PTPRS: variants seen among roughly 807,000 people sequenced by gnomAD.
PTPRS encodes protein tyrosine phosphatase receptor type S.
PTPRS carries 63 observed loss-of-function variants against 215.3 expected under a neutral mutation model. The observed-to-expected ratio is 0.29, with a 90% CI of 0.24 to 0.36. PTPRS has a LOEUF of 0.36. Among genes scored for constraint, PTPRS ranks in the 10% least tolerant of loss-of-function variants. The pLI, the probability that PTPRS is intolerant of heterozygous loss-of-function variation, is 1.00. For synonymous variants in PTPRS, 1,404 were observed against 1,191.4 expected (o/e 1.18, Z -3.68); for missense variants, 2,258 against 2,825.8 (o/e 0.80, Z 4.56).
chr19:5,209,630 C>A (rs1978237), intron 35 of PTPRS, among the ~76,000 whole-genome samples: 8 of 152,098 alleles, frequency 5.3e-5, no homozygotes, highest in Admixed American at 1.3e-4. Flanking sequence ...TTCTCCACCC[C>A]CTGCTGGCCA....
At chr19:5,290,350 A>C (rs1399606728) in intron 1 of PTPRS, among the ~76,000 whole-genome samples, 1 of 152,194 alleles carries the variant, frequency 6.6e-6, no homozygotes. Flanking sequence ...TTCTCTGGCC[A>C]CTGCGAGATC....
rs371506563 is a variant in PTPRS at position 5,318,475 on chromosome 19, T to C, written c.-95+22189A>G. ...GCAGTCTGGCCATGCTGTGTGACCC[T>C]GGGCAGGTGACTCGACTCTCTAGGC... On this transcript the variant is annotated intron_variant, in intron 1 of 37. Transcript: ENST00000262963. 8.8e-4 allele frequency among the ~76,000 whole-genome samples: 134 copies of C among 152,292 alleles called. 2 individuals are homozygous for C. In the South Asian group the frequency reaches 0.027, roughly 30 times the overall value.
At position 5,205,935 on chromosome 19, in the gene PTPRS, T is replaced by TTTGA. The variant is rs1175933811; in HGVS notation, c.*835_*838dup. ...CCATGACCTTACCCTCAGAACTGTA[T>TTTGA]TTGATATGTCTGAAAATTTAATTTA... On this transcript the variant is annotated 3_prime_UTR_variant, in exon 38 of 38. Coordinates refer to ENST00000262963, the MANE Select transcript of PTPRS (RefSeq NM_002850.4). 3.3e-5 allele frequency among the ~76,000 whole-genome samples: 5 copies of TTTGA among 151,576 alleles called. No individual in the cohort carries two copies. The highest frequency in any genetic ancestry group is 7.4e-5 in the Non-Finnish European group (5 of 67,892).
At chr19:5,305,761 A>AT (rs200693520) in intron 1 of PTPRS, among the ~76,000 whole-genome samples, 3,222 of 116,860 alleles carry the variant, frequency 0.028, 48 homozygotes, top group South Asian at 0.039. Flanking sequence ...ATATATATAT[A>AT]TATATTTTTT....
chr19:5,328,265 C>T (rs1323511316), intron 1 of PTPRS, among the ~76,000 whole-genome samples: 1 of 152,142 alleles, frequency 6.6e-6, no homozygotes, highest in Non-Finnish European at 1.5e-5. Context: ...TACTGGCACA[C>T]ACCACCACGG....
intron 4 of PTPRS, among the ~76,000 whole-genome samples, chr19:5,268,888 C>G (rs780184727): frequency 1.3e-5 from 2 of 152,212 alleles, no homozygotes; most frequent in African/African-American, 2.4e-5. Flanking sequence ...AGGTCTGAAC[C>G]CATCGGGGCC....
In PTPRS at chr19:5,297,615, A is replaced by T. The variant is rs556975812; in HGVS notation, c.-94-11381T>A. On this transcript the variant is annotated intron_variant, in intron 1 of 37. Transcript: ENST00000262963. ...AAATAAACCACACTGCAAGGCTGCA[A>T]AAACTGGGGGGTCCCTGGGGGAGCC... is the stretch of plus-strand genomic sequence containing the variant. Among the ~76,000 whole-genome samples the T allele has an allele frequency of 7.2e-5, 11 of 152,252 alleles. No individual in the cohort carries two copies. The East Asian group carries it at 1.9e-3, about 27-fold the overall frequency.
chr19:5,249,533 G>T (rs1468987876), intron 9 of PTPRS, among the ~76,000 whole-genome samples: 1 of 152,190 alleles, frequency 6.6e-6, no homozygotes, highest in Non-Finnish European at 1.5e-5. Context: ...AGGCCAGCCT[G>T]GTTGCTGCCT....
At chr19:5,307,199 T>G (rs1201366661) in intron 1 of PTPRS, among the ~76,000 whole-genome samples, 3 of 152,002 alleles carry the variant, frequency 2.0e-5, no homozygotes, top group Non-Finnish European at 2.9e-5. Flanking sequence ...TCCCAGCAAC[T>G]CGGGATGCTG....
chr19:5,277,127 T>C (rs59207860), intron 2 of PTPRS, among the ~76,000 whole-genome samples: 22,824 of 150,228 alleles, frequency 0.15, 1,981 homozygotes, highest in Middle Eastern at 0.22. Context: ...TGGCGCGATC[T>C]TGGCTCACGG....
rs748737407 is a variant in PTPRS at position 5,240,202 on chromosome 19, C to G, written c.1701G>C (p.Arg567=). The change falls in exon 12 of 38, where the codon CGG becomes CGC. Residue 567 remains arginine, a synonymous_variant. Transcript: ENST00000262963. ...GCCCGTCCCCGCGCTGCCTCACCTC[C>G]CGGCCATGGTCGCCTTCCCGGAAGA... ...ELLFREGDHG[R]EVGRTFDPTT... 8 of 1,542,578 alleles carry G rather than the reference C, an allele frequency of 5.2e-6. No individual in the cohort carries two copies. The East Asian group carries it at 1.5e-4, about 29-fold the overall frequency.
Position 5,212,000 on chromosome 19 carries a change from C to A in PTPRS, c.5020G>T (p.Gly1674Cys), listed in dbSNP as rs61729772. ...YIQKLAQVEP[G>C]EHVTGMELEF... ...AGTTCCATGCCAGTGACGTGTTCGC[C>A]AGGCTCCACCTGGGCCAGCTTCTGG... The change falls in exon 32 of 38, where the codon GGC becomes TGC. Residue 1674 changes from glycine to cysteine, a missense_variant. By Grantham distance (159) the Gly-to-Cys change is radical (BLOSUM62 -3). Coordinates refer to ENST00000262963, the MANE Select transcript of PTPRS (RefSeq NM_002850.4). 6.2e-7 allele frequency: 1 copy of A among 1,612,406 alleles called. No individual in the cohort carries two copies. The highest frequency in any genetic ancestry group is 1.3e-5 in the African/African-American group (1 of 75,028).
chr19:5,220,944 C>T lies in PTPRS; in HGVS notation c.3455+56G>A, dbSNP rs2041926349. On this transcript the variant is annotated intron_variant, in intron 20 of 37. Transcript: ENST00000262963. ...AGAGAGGGCACGTGGCTTGCCCCAG[C>T]CATATAGTAGGCTGATGGGGGTGAC... 8 of 1,553,152 alleles carry T rather than the reference C, an allele frequency of 5.2e-6. No individual in the cohort carries two copies. In the South Asian group the frequency reaches 9.8e-5, roughly 19 times the overall value.
At chr19:5,261,084 G>A (rs1416619757) in intron 6 of PTPRS, among the ~76,000 whole-genome samples, 4 of 152,110 alleles carry the variant, frequency 2.6e-5, no homozygotes, top group African/African-American at 9.7e-5. Context: ...GGGGGTGGAG[G>A]GATGGAGTCT....
At chr19:5,328,106 CTTCTT>C (rs1442674559) in intron 1 of PTPRS, among the ~76,000 whole-genome samples, 3 of 152,142 alleles carry the variant, frequency 2.0e-5, no homozygotes, top group Non-Finnish European at 4.4e-5. Context: ...TTCCTTACCA[CTTCTT>C]TTGTTTTTTT....
chr19:5,280,667 G>C (rs927752868), intron 2 of PTPRS, among the ~76,000 whole-genome samples: 4 of 152,112 alleles, frequency 2.6e-5, no homozygotes, highest in Non-Finnish European at 5.9e-5. Context: ...GGTGCAGTGG[G>C]CTGACATCCT....
chr19:5,306,297 A>G lies in PTPRS; in HGVS notation c.-94-20063T>C, dbSNP rs548041092. On this transcript the variant is annotated intron_variant, in intron 1 of 37. Transcript: ENST00000262963. Reference sequence around the variant, plus strand: ...GTAGCTGGGATCACAGGCGTGCGCCACCACGCCTGGCTAATTTTTGTATTT... The same window carrying G: ...GTAGCTGGGATCACAGGCGTGCGCCGCCACGCCTGGCTAATTTTTGTATTT... Among the ~76,000 whole-genome samples the G allele has an allele frequency of 1.4e-3, 209 of 151,968 alleles. 1 individual carries two copies. The highest frequency in any genetic ancestry group is 4.9e-3 in the African/African-American group (203 of 41,490).
chr19:5,303,623 G>A (rs1008856352), intron 1 of PTPRS, among the ~76,000 whole-genome samples: 3 of 152,172 alleles, frequency 2.0e-5, no homozygotes, highest in Non-Finnish European at 1.5e-5. Context: ...TCCAGAGAGC[G>A]GGCAGAGTGA....
At position 5,210,650 on chromosome 19, in the gene PTPRS, G is replaced by A. The variant is rs779307747; in HGVS notation, c.5361+29C>T. On this transcript the variant is annotated intron_variant, in intron 34 of 37. Transcript: ENST00000262963. The surrounding 1 kb of genome is among the most constrained non-coding windows in gnomAD (Gnocchi z 4.5). ...CTGTCTGAGCCACAGTCTGGCCCTC[G>A]CCCTTCCCTGCTGTGGCCCCTAGCT... 10 of 1,613,936 alleles carry A rather than the reference G, an allele frequency of 6.2e-6. No homozygotes were observed. The highest frequency in any genetic ancestry group is 1.1e-5 in the South Asian group (1 of 91,080).
Sources: allele counts gnomAD v4.1 joint callset (sites outside exome capture counted in the v4.1 genomes callset), GRCh38; gene constraint gnomAD v4.1.1; non-coding constraint Gnocchi (gnomAD v3.1); transcripts MANE v1.5; gene names NCBI Gene and HGNC (gene_info 2026-07-23, HGNC 2026-07-21).